FGD6: variants seen among roughly 807,000 people sequenced by gnomAD.
FGD6 encodes FYVE, RhoGEF and PH domain containing 6.
Under a neutral mutation model 149.4 loss-of-function variants are expected in FGD6, and 90 were observed. The observed-to-expected ratio is 0.60, with a 90% CI of 0.51 to 0.72. The LOEUF (loss-of-function observed/expected upper bound fraction) is 0.72, where lower values mean the gene tolerates loss of function less well. Among genes scored for constraint, FGD6 ranks in the 30% least tolerant of loss-of-function variants. FGD6 has a pLI of 0.00. For synonymous variants in FGD6, 527 were observed against 584.0 expected (o/e 0.90, Z 1.41); for missense variants, 1,437 against 1,684.8 (o/e 0.85, Z 2.57).
chr12:95,124,385 C>T (rs1176991878), intron 8 of FGD6, among the ~76,000 whole-genome samples: 4 of 152,296 alleles, frequency 2.6e-5, no homozygotes, highest in South Asian at 2.1e-4. Context: ...CGTTTAGGGA[C>T]ATAAGCACAT....
intron 5 of FGD6, 61 bp downstream of exon 5, chr12:95,152,750 G>A (rs1880346679): frequency 3.4e-6 from 5 of 1,484,160 alleles, no homozygotes; most frequent in Non-Finnish European, 4.6e-6. Context: ...AACTTCTAGG[G>A]GTAGGGAAAG....
intron 2 of FGD6, among the ~76,000 whole-genome samples, chr12:95,206,702 A>G (rs111683964): frequency 1.7e-4 from 25 of 151,076 alleles, no homozygotes; most frequent in East Asian, 3.9e-4. Flanking sequence ...TCCAAAGAAA[A>G]AAAAAAAAAA....
chr12:95,167,866 C>T (rs771715430), intron 3 of FGD6, among the ~76,000 whole-genome samples: 7 of 152,158 alleles, frequency 4.6e-5, no homozygotes, highest in Admixed American at 1.3e-4. Context: ...TGAGCCCCCG[C>T]GCCCAGCCAA....
At chr12:95,156,601 T>C (rs1421717881) in intron 3 of FGD6, among the ~76,000 whole-genome samples, 3 of 152,168 alleles carry the variant, frequency 2.0e-5, no homozygotes, top group East Asian at 3.8e-4. Flanking sequence ...CCTGCCTCCA[T>C]TTGCCTTGTG....
chr12:95,098,652 A>G (rs1047051534), intron 14 of FGD6, among the ~76,000 whole-genome samples: 2 of 152,050 alleles, frequency 1.3e-5, no homozygotes, highest in African/African-American at 2.4e-5. Flanking sequence ...ACTCCTACTT[A>G]TCTTTCCTAA....
chr12:95,085,822 A>G lies in FGD6; in HGVS notation c.4065T>C (p.Phe1355=). The G allele has an allele frequency of 6.2e-7, 1 of 1,613,952 alleles. No individual in the cohort carries two copies. The highest frequency in any genetic ancestry group is 8.5e-7 in the Non-Finnish European group (1 of 1,179,962). The change falls in exon 19 of 21, where the codon TTT becomes TTC. Residue 1355 remains phenylalanine, a synonymous_variant. Coordinates refer to ENST00000343958, the MANE Select transcript of FGD6 (RefSeq NM_018351.4). ...TATATAGTACTTTATTTTTTATGAC[A>G]AACCAAAAGTGTTTCCAGGGTTTTT... ...GNKKPWKHFW[F]VIKNKVLYTY... is the part of the protein sequence containing the mutation.
At chr12:95,151,104 G>GGA (rs535249912) in intron 5 of FGD6, among the ~76,000 whole-genome samples, 46 of 151,788 alleles carry the variant, frequency 3.0e-4, no homozygotes, top group African/African-American at 1.0e-3. Flanking sequence ...TTAAAAAAAA[G>GGA]GAGAGAGAGA....
chr12:95,085,308 G>T (rs888772302), intron 19 of FGD6, among the ~76,000 whole-genome samples: 1 of 146,234 alleles, frequency 6.8e-6, no homozygotes, highest in East Asian at 2.1e-4. Context: ...TCTGCCTCCC[G>T]GGTTCAAGCA....
At chr12:95,109,699 C>T (rs940817614) in intron 9 of FGD6, among the ~76,000 whole-genome samples, 3 of 152,026 alleles carry the variant, frequency 2.0e-5, no homozygotes, top group South Asian at 2.1e-4. Context: ...CTTGTTTCCA[C>T]AAAAAATCCA....
At chr12:95,150,330 ATATTTTTT>A (rs958576898) in intron 5 of FGD6, among the ~76,000 whole-genome samples, 4 of 152,096 alleles carry the variant, frequency 2.6e-5, no homozygotes, top group African/African-American at 9.6e-5. Flanking sequence ...CCCGGCCCAA[ATATTTTTT>A]TAAATGCAGA....
intron 20 of FGD6, among the ~76,000 whole-genome samples, chr12:95,083,037 A>T: frequency 7.9e-6 from 1 of 127,234 alleles, no homozygotes; most frequent in Non-Finnish European, 1.6e-5. Context: ...ATATACACAC[A>T]CATACACACA....
intron 14 of FGD6, among the ~76,000 whole-genome samples, chr12:95,100,057 C>G (rs1384912071): frequency 2.4e-4 from 1 of 4,194 alleles, no homozygotes; most frequent in Admixed American, 3.3e-3. Context: ...TTTTCTGATC[C>G]CCCCCCCCCC....
intron 2 of FGD6, among the ~76,000 whole-genome samples, chr12:95,199,700 G>A (rs1436561297): frequency 6.9e-6 from 1 of 145,708 alleles, no homozygotes; most frequent in Non-Finnish European, 1.5e-5. Context: ...TGTTTCCCAT[G>A]TTCAAGCAAT....
chr12:95,131,808 G>C (rs1423183635), intron 8 of FGD6, among the ~76,000 whole-genome samples: 1 of 152,148 alleles, frequency 6.6e-6, no homozygotes, highest in Non-Finnish European at 1.5e-5. Flanking sequence ...GAAAAGCCGA[G>C]GTGGGCAGAT....
In FGD6 at chr12:95,088,162, G is replaced by A. The variant is rs146787164; in HGVS notation, c.3978+1407C>T. Among the ~76,000 whole-genome samples the A allele has an allele frequency of 7.2e-5, 11 of 152,146 alleles. No individual in the cohort carries two copies. In the East Asian group the frequency reaches 2.1e-3, roughly 29 times the overall value. ...GACCTATATTTTCAAAGATAAAACT[G>A]GTGTTCACCAACTTAATCACCTAAC... On this transcript the variant is annotated intron_variant, in intron 18 of 20. Coordinates refer to ENST00000343958, the MANE Select transcript of FGD6 (RefSeq NM_018351.4).
At chr12:95,138,433 A>G (rs1879743968) in intron 6 of FGD6, among the ~76,000 whole-genome samples, 1 of 149,614 alleles carries the variant, frequency 6.7e-6, no homozygotes, top group African/African-American at 2.5e-5. Context: ...AATCCTAGGT[A>G]CTTGGGAGGC....
At chr12:95,096,187 T>TA (rs1278002972) in intron 14 of FGD6, among the ~76,000 whole-genome samples, 1 of 152,144 alleles carries the variant, frequency 6.6e-6, no homozygotes, top group Non-Finnish European at 1.5e-5. Context: ...TTTGAACTCT[T>TA]AAAGAGTGTT....
At chr12:95,173,866 A>C (rs112650438) in intron 2 of FGD6, among the ~76,000 whole-genome samples, 1 of 152,254 alleles carries the variant, frequency 6.6e-6, no homozygotes, top group Non-Finnish European at 1.5e-5. Context: ...AGTTACGAGA[A>C]TCTCTAATGG....
At chr12:95,191,706 T>C (rs555277637) in intron 2 of FGD6, among the ~76,000 whole-genome samples, 4 of 152,206 alleles carry the variant, frequency 2.6e-5, no homozygotes, top group Admixed American at 6.5e-5. Context: ...GGTATGGTAC[T>C]TGCATATAAA....
Sources: allele counts gnomAD v4.1 joint callset (sites outside exome capture counted in the v4.1 genomes callset), GRCh38; gene constraint gnomAD v4.1.1; transcripts MANE v1.5; gene names NCBI Gene and HGNC (gene_info 2026-07-23, HGNC 2026-07-21).